The following LRRC18 variants were observed in gnomAD, a reference collection of about 807,000 sequenced individuals.
The protein encoded by LRRC18 is leucine-rich repeat-containing protein 18.
A neutral mutation model predicts 11.2 loss-of-function variants in LRRC18; 12 were observed. The observed-to-expected ratio is 1.07, with a 90% CI of 0.69 to 1.74. The LOEUF is 1.74. Ranked by LOEUF, LRRC18 falls within the 40% of genes most tolerant of loss-of-function variation. The probability of loss-of-function intolerance (pLI) is 0.00; values close to 1 mark genes in which losing one functional copy is unlikely to be tolerated. For missense variants in LRRC18, 374 were observed against 330.5 expected, an observed-to-expected ratio of 1.13 and a Z score of -1.02; for synonymous variants, 155 against 130.6, an observed-to-expected ratio of 1.19 and a Z score of -1.27.
the LRRC18 span, among the ~76,000 whole-genome samples, chr10:48,927,089 G>T: frequency 7.9e-5 from 12 of 152,214 alleles, no homozygotes; most frequent in Non-Finnish European, 1.5e-4. Context: ...CTGTATCAGG[G>T]GCGGCTGTAT....
the LRRC18 span, among the ~76,000 whole-genome samples, chr10:48,926,817 C>A: frequency 6.6e-6 from 1 of 152,164 alleles, no homozygotes; most frequent in Non-Finnish European, 1.5e-5. Context: ...ACACATAATG[C>A]CACGAGCCAG....
At chr10:48,931,399 G>A in the LRRC18 span, among the ~76,000 whole-genome samples, 29,524 of 152,142 alleles carry the variant, frequency 0.19, 3,214 homozygotes, top group Non-Finnish European at 0.25. Flanking sequence ...CAAGGCAGCC[G>A]TTCCTGTTTC....
the LRRC18 span, among the ~76,000 whole-genome samples, chr10:48,929,458 G>A: frequency 9.1e-4 from 139 of 152,256 alleles, no homozygotes; most frequent in African/African-American, 3.3e-3. Flanking sequence ...AAATAGCCCA[G>A]CATGGGAGGA....
chr10:48,920,218 G>A, the LRRC18 span, among the ~76,000 whole-genome samples: 11 of 152,220 alleles, frequency 7.2e-5, no homozygotes, highest in East Asian at 1.7e-3. Context: ...GTAATAGAAA[G>A]GCCCTTCCTT....
chr10:48,936,038 G>C, the LRRC18 span, among the ~76,000 whole-genome samples: 1 of 151,904 alleles, frequency 6.6e-6, no homozygotes, highest in Non-Finnish European at 1.5e-5. Flanking sequence ...GCAGAAATAA[G>C]AAATTGAAAT....
At chr10:48,916,015 A>AT (rs1277783891), upstream of LRRC18, among the ~76,000 whole-genome samples, 2 of 152,212 alleles carry the variant, frequency 1.3e-5, no homozygotes, top group East Asian at 3.8e-4. Flanking sequence ...TCCAGTTAAG[A>AT]TTTTGTATGC....
the LRRC18 span, among the ~76,000 whole-genome samples, chr10:48,928,128 G>A: frequency 0.94 from 143,227 of 152,196 alleles, 67,762 homozygotes; most frequent in East Asian, 1. Context: ...CTCTCCTCCC[G>A]CAGATTAGGA....
the LRRC18 span, among the ~76,000 whole-genome samples, chr10:48,939,506 T>C: frequency 6.6e-6 from 1 of 152,208 alleles, no homozygotes; most frequent in Admixed American, 6.5e-5. Flanking sequence ...TTTCTCAGGC[T>C]GCCTCCCACG....
chr10:48,924,514 G>A, the LRRC18 span, among the ~76,000 whole-genome samples: 1 of 152,214 alleles, frequency 6.6e-6, no homozygotes, highest in Admixed American at 6.5e-5. Flanking sequence ...ACGAATGGAT[G>A]TATTTATGTA....
the LRRC18 span, among the ~76,000 whole-genome samples, chr10:48,921,791 T>C: frequency 3.3e-5 from 5 of 152,146 alleles, no homozygotes; most frequent in African/African-American, 1.2e-4. Context: ...AAGATAGAAA[T>C]GTACAGACAC....
At chr10:48,911,024 G>A (rs965638832) in intron 1 of LRRC18, 3 of 419,810 alleles carry the variant, frequency 7.1e-6, no homozygotes, top group African/African-American at 2.2e-5. Flanking sequence ...GTAGCTATCC[G>A]GCACTGTCTG....
At chr10:48,936,066 C>G in the LRRC18 span, among the ~76,000 whole-genome samples, 2 of 151,868 alleles carry the variant, frequency 1.3e-5, no homozygotes, top group African/African-American at 4.8e-5. Context: ...ATTTTTCCAC[C>G]TAGTCATAAA....
At chr10:48,923,240 C>T in the LRRC18 span, among the ~76,000 whole-genome samples, 5 of 151,888 alleles carry the variant, frequency 3.3e-5, no homozygotes, top group African/African-American at 1.2e-4. Flanking sequence ...GTGTATGTCT[C>T]CCTGGTGTAT....
chr10:48,934,940 C>T, the LRRC18 span, among the ~76,000 whole-genome samples: 3 of 152,214 alleles, frequency 2.0e-5, no homozygotes, highest in East Asian at 3.9e-4. Flanking sequence ...CGAGGATGCC[C>T]ACTGTGCCCT....
chr10:48,923,496 G>GTATATATATATATATATATATA, the LRRC18 span, among the ~76,000 whole-genome samples: 175 of 63,166 alleles, frequency 2.8e-3, 21 homozygotes, highest in East Asian at 8.8e-3. Context: ...ATAGTTTTTA[G>GTATATATATATATATATATATA]TATATATATA....
the LRRC18 span, among the ~76,000 whole-genome samples, chr10:48,938,251 A>C: frequency 6.6e-6 from 1 of 152,262 alleles, no homozygotes; most frequent in Admixed American, 6.5e-5. Context: ...ATGTGTCTGC[A>C]TTAGCTCGGG....
chr10:48,938,165 T>C, the LRRC18 span, among the ~76,000 whole-genome samples: 5 of 152,272 alleles, frequency 3.3e-5, no homozygotes, highest in Non-Finnish European at 5.9e-5. Context: ...TAACCCATTT[T>C]ACCATGTCCT....
At chr10:48,910,993 A>C (rs951666273) in intron 1 of LRRC18, 3 of 763,010 alleles carry the variant, frequency 3.9e-6, no homozygotes, top group Non-Finnish European at 4.8e-6. Context: ...AGGGGGAGAA[A>C]TTGAAATGGA....
chr10:48,930,880 G>T, the LRRC18 span, among the ~76,000 whole-genome samples: 1 of 152,128 alleles, frequency 6.6e-6, no homozygotes, highest in South Asian at 2.1e-4. Flanking sequence ...TGAGCCCTGT[G>T]TTCTCTGGCA....
Sources: gnomAD v4.1 joint callset for allele counts (sites outside exome capture counted in the v4.1 genomes callset) on GRCh38, gnomAD v4.1.1 for gene constraint, MANE v1.5 for transcripts, NCBI Gene and HGNC (gene_info 2026-07-23, HGNC 2026-07-21) for gene names.